EYS: variants seen among roughly 807,000 people sequenced by gnomAD.
EYS encodes protein eyes shut homolog.
EYS carries 250 observed loss-of-function variants against 282.1 expected under a neutral mutation model. The observed-to-expected ratio is 0.89, with a 90% confidence interval of 0.80 to 0.98. The LOEUF is 0.98. Ranked by LOEUF, EYS falls within the 50% of genes least tolerant of loss-of-function variation. The pLI is 0.00. For missense variants in EYS, 4,016 were observed against 3,709.0 expected, an observed-to-expected ratio of 1.08 and a Z score of -2.15; for synonymous variants, 1,355 against 1,282.9, an observed-to-expected ratio of 1.06 and a Z score of -1.20.
intron 31 of EYS, among the ~76,000 whole-genome samples, chr6:64,098,012 T>A (rs1300050358): frequency 6.6e-6 from 1 of 152,180 alleles, no homozygotes; most frequent in Non-Finnish European, 1.5e-5. Flanking sequence ...GAAAAATAAA[T>A]CTCATAATTG....
chr6:64,545,438 G>T (rs1764824770), intron 26 of EYS, among the ~76,000 whole-genome samples: 1 of 152,158 alleles, frequency 6.6e-6, no homozygotes, highest in African/African-American at 2.4e-5. Context: ...AAAACTGGAG[G>T]CATTCCCTTT....
At chr6:65,388,962 C>T (rs940919822) in intron 7 of EYS, among the ~76,000 whole-genome samples, 1 of 151,976 alleles carries the variant, frequency 6.6e-6, no homozygotes, top group African/African-American at 2.4e-5. Flanking sequence ...TGTATTGACT[C>T]CATCTTAAAT....
At chr6:64,320,810 C>T (rs1770189927) in intron 29 of EYS, among the ~76,000 whole-genome samples, 2 of 151,776 alleles carry the variant, frequency 1.3e-5, no homozygotes, top group South Asian at 2.1e-4. Flanking sequence ...TCCCTGTATT[C>T]CAATTATTTA....
At chr6:65,202,621 G>C (rs575305135) in intron 12 of EYS, among the ~76,000 whole-genome samples, 3 of 152,254 alleles carry the variant, frequency 2.0e-5, no homozygotes, top group East Asian at 3.9e-4. Context: ...ATAGAGAAAG[G>C]TATGGTGATG....
chr6:63,854,394 A>G (rs944682946), intron 36 of EYS, among the ~76,000 whole-genome samples: 1 of 152,164 alleles, frequency 6.6e-6, no homozygotes, highest in East Asian at 1.9e-4. Flanking sequence ...TATAATTGGG[A>G]GTTAACAATG....
At chr6:65,696,523 T>C (rs150526849) in intron 1 of EYS, among the ~76,000 whole-genome samples, 37 of 152,132 alleles carry the variant, frequency 2.4e-4, no homozygotes, top group Middle Eastern at 3.4e-3. Context: ...GCTATCATTA[T>C]TACAAACCTC....
chr6:65,240,414 C>T (rs1356463725), intron 12 of EYS, among the ~76,000 whole-genome samples: 1 of 152,086 alleles, frequency 6.6e-6, no homozygotes, highest in Non-Finnish European at 1.5e-5. Flanking sequence ...GTAGTTTTTT[C>T]AGCACTTGCC....
At chr6:65,039,995 C>A (rs9363326) in intron 13 of EYS, among the ~76,000 whole-genome samples, 2 of 151,486 alleles carry the variant, frequency 1.3e-5, no homozygotes, top group African/African-American at 4.8e-5. Flanking sequence ...TTTTGGCCCA[C>A]GGATCTTAAG....
At chr6:65,015,280 C>G (rs570613160) in intron 13 of EYS, among the ~76,000 whole-genome samples, 1 of 152,274 alleles carries the variant, frequency 6.6e-6, no homozygotes, top group Admixed American at 6.5e-5. Context: ...AAAACTCATC[C>G]CAATTTCAAA....
In EYS at chr6:64,593,160, A is replaced by G; in HGVS notation, c.3834T>C (p.Ala1278=). The G allele has an allele frequency of 6.5e-7, 1 of 1,547,530 alleles. No individual in the cohort carries two copies. The highest frequency in any genetic ancestry group is 1.2e-5 in the South Asian group (1 of 83,276). ...TGTCCATTATGGCTGGTATTCTAGT[A>G]GCCTTTATAGATGGAAAGCTGCTGA... is the stretch of plus-strand genomic sequence containing the variant. ...TLVSSFPSIK[A]TRIPAIMDTY... Residue 1278 remains alanine (A), a synonymous_variant, in exon 25 of 43, where the codon GCT becomes GCC. Coordinates refer to ENST00000503581, the MANE Select transcript of EYS (RefSeq NM_001142800.2).
At position 63,999,146 on chromosome 6, in the gene EYS, T is replaced by C. The variant is rs1015509320; in HGVS notation, c.6763A>G (p.Met2255Val). The change falls in exon 34 of 43, where the codon ATG becomes GTG. Residue 2255 changes from methionine (M) to valine (V), a missense_variant. Transcript: ENST00000503581. ...TTTCCATCTGCAGTCATTTCAATCA[T>C]ACAAACAACTCCAGGGCTGCCAACA... Reference protein sequence around the residue: ...TPVGSPGVVCMIEMTADGKPP... With the variant: ...TPVGSPGVVCVIEMTADGKPP... The C allele has an allele frequency of 2.1e-5, 33 of 1,551,514 alleles. No individual in the cohort carries two copies. The Admixed American group carries it at 5.7e-4, about 27-fold the overall frequency.
intron 35 of EYS, among the ~76,000 whole-genome samples, chr6:63,893,014 A>G (rs1773447341): frequency 6.7e-6 from 1 of 150,120 alleles, no homozygotes; most frequent in Non-Finnish European, 1.5e-5. Flanking sequence ...AATACAAATC[A>G]AAACCACAAT....
chr6:64,443,719 C>T (rs964928489), intron 26 of EYS, among the ~76,000 whole-genome samples: 1 of 152,020 alleles, frequency 6.6e-6, no homozygotes, highest in East Asian at 1.9e-4. Context: ...CTCTTTTTCT[C>T]AGCACAATCT....
intron 28 of EYS, chr6:64,400,494 A>G (rs556029180): frequency 6.6e-6 from 1 of 152,118 alleles, no homozygotes; most frequent in African/African-American, 2.4e-5. Context: ...TGCAATTCTA[A>G]TATTTCATCT....
At chr6:64,372,423 G>A (rs959945266) in intron 29 of EYS, among the ~76,000 whole-genome samples, 2 of 151,928 alleles carry the variant, frequency 1.3e-5, no homozygotes, top group African/African-American at 4.8e-5. Flanking sequence ...AGCCTGACAG[G>A]GTATCCTCTG....
intron 35 of EYS, among the ~76,000 whole-genome samples, chr6:63,883,479 G>A (rs1348842958): frequency 4.6e-5 from 7 of 152,202 alleles, no homozygotes; most frequent in South Asian, 2.1e-4. Flanking sequence ...CTCAACCAAC[G>A]TGGCTGGAAG....
chr6:65,587,376 G>A (rs567292474), intron 2 of EYS, among the ~76,000 whole-genome samples: 7 of 152,204 alleles, frequency 4.6e-5, no homozygotes, highest in African/African-American at 1.4e-4. Context: ...CCCCATGGGA[G>A]GTAATTGAAT....
chr6:64,227,954 A>T lies in EYS; in HGVS notation c.6424+2638T>A, dbSNP rs117279892. ...AAGGTTTTTACCAGGCAATTGAAAC[A>T]ATTTGAAAATGGCATATAATAATTA... On this transcript the variant is annotated intron_variant, in intron 31 of 42. Coordinates refer to ENST00000503581, the MANE Select transcript of EYS (RefSeq NM_001142800.2). Among the ~76,000 whole-genome samples, 89 of 152,224 alleles carry T rather than the reference A, an allele frequency of 5.8e-4. No individual in the cohort carries two copies. The East Asian group carries it at 8.5e-3, about 15-fold the overall frequency.
chr6:63,817,754 G>A (rs1771217396), intron 36 of EYS, among the ~76,000 whole-genome samples: 1 of 152,196 alleles, frequency 6.6e-6, no homozygotes, highest in African/African-American at 2.4e-5. Flanking sequence ...CGTAGGGGAA[G>A]CAAATTTAAA....
Sources: gnomAD v4.1 joint callset for allele counts (sites outside exome capture counted in the v4.1 genomes callset) on GRCh38, gnomAD v4.1.1 for gene constraint, MANE v1.5 for transcripts, NCBI Gene and HGNC (gene_info 2026-07-23, HGNC 2026-07-21) for gene names.